The following MYO18A variants were observed in gnomAD, a reference collection of about 807,000 sequenced individuals.
The protein encoded by MYO18A is unconventional myosin-XVIIIa.
A neutral mutation model predicts 235.8 loss-of-function variants in MYO18A; 78 were observed. That is an observed-to-expected ratio of 0.33 (90% CI 0.28 to 0.40). The LOEUF is 0.40. MYO18A is among the 10% of genes least tolerant of loss of function. The probability of loss-of-function intolerance (pLI) is 1.00; values close to 1 mark genes in which losing one functional copy is unlikely to be tolerated. For missense variants in MYO18A, 2,215 were observed against 2,699.3 expected (o/e 0.82, Z 3.98); for synonymous variants, 977 against 1,077.8 (o/e 0.91, Z 1.83).
At chr17:29,173,340 C>T (rs1378645978) in intron 1 of MYO18A, among the ~76,000 whole-genome samples, 2 of 151,716 alleles carry the variant, frequency 1.3e-5, no homozygotes, top group Non-Finnish European at 2.9e-5. Context: ...GATCTGCCTG[C>T]CTCGGCCTTC....
intron 36 of MYO18A, 106 bp from the exon 37 acceptor site, chr17:29,090,204 G>A: frequency 7.7e-7 from 1 of 1,306,134 alleles, no homozygotes; most frequent in East Asian, 2.5e-5. Context: ...CAAGGGGAGG[G>A]AGGGATGCAC....
Position 29,092,336 on chromosome 17 carries a change from C to T in MYO18A, c.5187+7G>A, listed in dbSNP as rs747830149. ...CGAGCTCTGCCCCGGGCACCTTGGC[C>T]CCTCACCGCTGTCTTGGCTTTGGCG... On this transcript the variant is annotated splice_region_variant and intron_variant, in intron 34 of 41. Coordinates refer to ENST00000527372, the MANE Select transcript of MYO18A (RefSeq NM_078471.4). The T allele has an allele frequency of 1.2e-6, 2 of 1,606,358 alleles. No homozygotes were observed. Among genetic ancestry groups the T allele is most frequent in the East Asian group, 2.2e-5 (1 of 44,854 alleles).
chr17:29,103,457 G>C (rs1001960540), intron 21 of MYO18A, 142 bp downstream of exon 21: 1 of 787,270 alleles, frequency 1.3e-6, no homozygotes, highest in Non-Finnish European at 2.1e-6. Flanking sequence ...GTGGCTGGGC[G>C]GGGTGGAGCT....
chr17:29,155,123 A>T (rs1184424780), intron 2 of MYO18A: 5 of 152,242 alleles, frequency 3.3e-5, no homozygotes, highest in Admixed American at 2.6e-4. Context: ...CAGGGCTGAG[A>T]TAGATCTTCC....
Position 29,082,309 on chromosome 17 carries a change from T to C in MYO18A, c.6020+7A>G, listed in dbSNP as rs1350855940. ...CTTTTCCTCCCAGCTCAAGGCCATA[T>C]GCTCACCTGGAACTCTTTAAGCTGC... is the stretch of plus-strand genomic sequence containing the variant. On this transcript the variant is annotated splice_region_variant and intron_variant, in intron 41 of 41. Transcript: ENST00000527372. The C allele has an allele frequency of 1.9e-6, 3 of 1,613,852 alleles. No individual in the cohort carries two copies. Among genetic ancestry groups the C allele is most frequent in the South Asian group, 2.2e-5 (2 of 91,080 alleles).
At chr17:29,160,244 G>A (rs954977336) in intron 2 of MYO18A, among the ~76,000 whole-genome samples, 1 of 152,238 alleles carries the variant, frequency 6.6e-6, no homozygotes, top group Non-Finnish European at 1.5e-5. Flanking sequence ...CTTTCAGCCT[G>A]CAATTCTATT....
intron 2 of MYO18A, among the ~76,000 whole-genome samples, chr17:29,133,073 T>G (rs1303011347): frequency 6.6e-6 from 1 of 152,244 alleles, no homozygotes; most frequent in Non-Finnish European, 1.5e-5. Context: ...CCACTCTGTG[T>G]TCTTCACCAG....
At chr17:29,093,030 G>A (rs1422866947) in intron 32 of MYO18A, 29 bp from the exon 33 acceptor site, 1 of 1,607,230 alleles carries the variant, frequency 6.2e-7, no homozygotes, top group African/African-American at 1.3e-5. Context: ...TTGGGGTTCT[G>A]GGCTCTGCAC....
chr17:29,103,317 C>T (rs1372639865), intron 21 of MYO18A, among the ~76,000 whole-genome samples: 1 of 152,238 alleles, frequency 6.6e-6, no homozygotes, highest in Non-Finnish European at 1.5e-5. Context: ...CCACCTTCCA[C>T]CCACTCTCTC....
chr17:29,106,963 G>A lies in MYO18A; in HGVS notation c.3441+117C>T. ...CACAGCTGGGTGCTTCCAAAACTGG[G>A]AGCCTGAGCAGGGCCAGATGAGCTG... On this transcript the variant is annotated intron_variant, in intron 20 of 41. Coordinates refer to ENST00000527372, the MANE Select transcript of MYO18A (RefSeq NM_078471.4). This position sits in a 1 kb window ranked among gnomAD's most constrained non-coding sequence, Gnocchi z 4.6. 1 of 993,926 alleles carries A rather than the reference G, an allele frequency of 1.0e-6. No individual in the cohort carries two copies. The highest frequency in any genetic ancestry group is 1.5e-5 in the South Asian group (1 of 68,580). 61.6% of individuals were successfully genotyped at this position (993,926 alleles called of 1,614,324 possible).
chr17:29,175,264 T>A (rs2068497374), intron 1 of MYO18A, among the ~76,000 whole-genome samples: 1 of 152,192 alleles, frequency 6.6e-6, no homozygotes, highest in Non-Finnish European at 1.5e-5. Flanking sequence ...TATATTTTAA[T>A]TTTTTATAAG....
rs1335107412 is a variant in MYO18A, at chr17:29,103,543, C to T, written c.3507+56G>A. 1.5e-5 allele frequency: 23 copies of T among 1,562,684 alleles called. No homozygotes were observed. The East Asian group carries it at 2.9e-4, about 20-fold the overall frequency. ...AAGAGAACAGGAGGAGTGGGCCAGC[C>T]ACCTGACAGGGGCCCCTGGAGTGAG... On this transcript the variant is annotated intron_variant, in intron 21 of 41. Transcript: ENST00000527372.
At position 29,118,045 on chromosome 17, in the gene MYO18A, C is replaced by CT; in HGVS notation, c.2037dup (p.Glu680ArgfsTer4). The CT allele has an allele frequency of 1.3e-6, 2 of 1,579,316 alleles. No homozygotes were observed. The highest frequency in any genetic ancestry group is 1.7e-6 in the Non-Finnish European group (2 of 1,162,600). ...CCTACTGGGACCCACTGCAGGTTAC[C>CT]TTTGGTGGCTCCCGCAGCCCCCAGG... is the stretch of plus-strand genomic sequence containing the variant. On this transcript the variant is annotated frameshift_variant and splice_region_variant, in exon 10 of 42. Coordinates refer to ENST00000527372, the MANE Select transcript of MYO18A (RefSeq NM_078471.4). LOFTEE classifies it high-confidence loss of function. The surrounding 1 kb of genome is among the most constrained non-coding windows in gnomAD (Gnocchi z 4.2).
chr17:29,114,907 C>T lies in MYO18A; in HGVS notation c.2511G>A (p.Glu837=). 6.2e-7 allele frequency: 1 copy of T among 1,612,218 alleles called. No individual in the cohort carries two copies. Among genetic ancestry groups the T allele is most frequent in the Non-Finnish European group, 8.5e-7 (1 of 1,178,778 alleles). The change falls in exon 14 of 42, where the codon GAG becomes GAA. Residue 837 remains glutamate, a splice_region_variant and synonymous_variant. Coordinates refer to ENST00000527372, the MANE Select transcript of MYO18A (RefSeq NM_078471.4). ...TFVQELERYK[E]ENIELAFDDL... ...GATGAGGCCCAGGCCCCAGAGCTAC[C>T]TCCTTGTATCTTTCCAACTCCTGCA...
At position 29,103,596 on chromosome 17, in the gene MYO18A, C is replaced by G; in HGVS notation, c.3507+3G>C. 6.2e-7 allele frequency: 1 copy of G among 1,613,912 alleles called. No individual in the cohort carries two copies. ...CCGACTGCCCTCCTGTGGGACAACT[C>G]ACCCGGCTCAGGCCCATGCAGCAGC... On this transcript the variant is annotated splice_donor_region_variant and intron_variant, in intron 21 of 41. Transcript: ENST00000527372.
intron 7 of MYO18A, 104 bp from the exon 8 acceptor site, chr17:29,119,539 G>T: frequency 7.1e-6 from 5 of 707,428 alleles, no homozygotes; most frequent in South Asian, 2.1e-5. Context: ...AGGCCCTGGG[G>T]AACAAGCAGC....
At chr17:29,171,073 G>A (rs908204422) in intron 1 of MYO18A, among the ~76,000 whole-genome samples, 4 of 152,168 alleles carry the variant, frequency 2.6e-5, no homozygotes, top group Non-Finnish European at 5.9e-5. Context: ...ACTTTTTGGG[G>A]TGATATTCAT....
chr17:29,099,578 A>G lies in MYO18A; in HGVS notation c.3636+56T>C, dbSNP rs2066606256. 3 of 1,581,930 alleles carry G rather than the reference A, an allele frequency of 1.9e-6. No individual in the cohort carries two copies. The African/African-American group carries it at 4.0e-5, about 21-fold the overall frequency. On this transcript the variant is annotated intron_variant, in intron 22 of 41. Transcript: ENST00000527372. ...TCCCCCTTATAGCCCCCACCCCAGGAACTTGGCTGTGCCCATCTAGGTTGG... is the reference window on the plus strand; with the variant it reads ...TCCCCCTTATAGCCCCCACCCCAGGGACTTGGCTGTGCCCATCTAGGTTGG...
rs905381464 is a variant in MYO18A at position 29,126,124 on chromosome 17, A to G, written c.1000-3871T>C. Among the ~76,000 whole-genome samples the G allele has an allele frequency of 5.3e-5, 8 of 152,056 alleles. No individual in the cohort carries two copies. Among genetic ancestry groups the G allele is most frequent in the African/African-American group, 1.9e-4 (8 of 41,396 alleles). The stretch of plus-strand genomic sequence containing the variant: ...CTGAGTTTTTAAACCATCAGATTAG[A>G]AAAAAAAGAACAAGTGCCTGGGAGT... On this transcript the variant is annotated intron_variant, in intron 2 of 41. Coordinates refer to ENST00000527372, the MANE Select transcript of MYO18A (RefSeq NM_078471.4). This position sits in a 1 kb window ranked among gnomAD's most constrained non-coding sequence, Gnocchi z 4.1.
Sources: allele counts gnomAD v4.1 joint callset (sites outside exome capture counted in the v4.1 genomes callset), GRCh38; gene constraint gnomAD v4.1.1; non-coding constraint Gnocchi (gnomAD v3.1); transcripts MANE v1.5; gene names NCBI Gene and HGNC (gene_info 2026-07-23, HGNC 2026-07-21).